The following MAK16 variants were observed in gnomAD, a reference collection of about 807,000 sequenced individuals.
The protein encoded by MAK16 is protein MAK16 homolog.
Under a neutral mutation model 49.9 loss-of-function variants are expected in MAK16, and 12 were observed. That is an observed-to-expected ratio of 0.24 (90% confidence interval 0.15 to 0.39). The LOEUF is 0.39. MAK16 is among the 10% of genes least tolerant of loss of function. The pLI is 1.00. For missense variants in MAK16, 292 were observed against 363.7 expected (o/e 0.80, Z 1.60); for synonymous variants, 115 against 126.4 (o/e 0.91, Z 0.60).
chr8:33,490,184 C>G, intron 5 of MAK16, 101 bp from the exon 6 acceptor site: 1 of 929,194 alleles, frequency 1.1e-6, no homozygotes. Context: ...CATGAGTAGA[C>G]TTCCATTTTA....
chr8:33,492,124 C>T (rs1808788137), intron 6 of MAK16, among the ~76,000 whole-genome samples: 1 of 151,832 alleles, frequency 6.6e-6, no homozygotes, highest in Admixed American at 6.6e-5. Context: ...ATTCTTGTGC[C>T]TCAGCCTCCC....
chr8:33,493,027 G>C (rs899763839), intron 6 of MAK16, among the ~76,000 whole-genome samples: 1 of 151,642 alleles, frequency 6.6e-6, no homozygotes, highest in Non-Finnish European at 1.5e-5. Flanking sequence ...TATTTTGATA[G>C]GGATAGCTTT....
At chr8:33,497,116 T>A in intron 8 of MAK16, 116 bp from the exon 9 acceptor site, 4 of 740,502 alleles carry the variant, frequency 5.4e-6, no homozygotes, top group Non-Finnish European at 8.8e-6. Context: ...AGAACTAAAT[T>A]TTCATTGCCT....
At chr8:33,491,069 C>T (rs1808769992) in intron 6 of MAK16, among the ~76,000 whole-genome samples, 1 of 152,192 alleles carries the variant, frequency 6.6e-6, no homozygotes, top group South Asian at 2.1e-4. Context: ...TTTCACTTAA[C>T]ATAATGACCT....
rs186979055 is a variant in MAK16 at position 33,492,982 on chromosome 8, A to G, written c.448-2560A>G. Among the ~76,000 whole-genome samples the G allele has an allele frequency of 2.2e-4, 32 of 145,758 alleles. No homozygotes were observed. In the Middle Eastern group the frequency reaches 0.014, roughly 66 times the overall value. On this transcript the variant is annotated intron_variant, in intron 6 of 9. Transcript: ENST00000360128. ...TATTTCTGTGAAGAATGTCATTGGT[A>G]TTTTTCTTTTTTTTATATTTATATT... is the stretch of plus-strand genomic sequence containing the variant.
chr8:33,495,616 G>A lies in MAK16; in HGVS notation c.522G>A (p.Thr174=). Residue 174 remains threonine, a splice_region_variant and synonymous_variant, in exon 7 of 10, where the codon ACG becomes ACA. Transcript: ENST00000360128. ...TACTGGAGAGACTGAAACAAGATAC[G>A]GTGAGAAAGCCATTAGCTTTGGGGT... ...KELLERLKQD[T]YGDIYNFPIH... The A allele has an allele frequency of 1.9e-6, 3 of 1,590,332 alleles. No homozygotes were observed. The highest frequency in any genetic ancestry group is 1.3e-5 in the African/African-American group (1 of 74,448).
intron 1 of MAK16, among the ~76,000 whole-genome samples, chr8:33,487,941 G>C (rs972392546): frequency 5.9e-5 from 9 of 151,464 alleles, no homozygotes; most frequent in African/African-American, 2.2e-4. Context: ...GTTTTGTTTT[G>C]TTTTGAGACG....
chr8:33,488,631 T>A lies in MAK16; in HGVS notation c.175+2T>A. On this transcript the variant is annotated splice_donor_variant, in intron 3 of 9. Transcript: ENST00000360128. LOFTEE classifies it high-confidence loss of function. ...ATGCCACTATTAAAGAAGAGAAAGG[T>A]AACTCCCCAGTTTTAACTTCTAGAA... 1 of 1,613,858 alleles carries A rather than the reference T, an allele frequency of 6.2e-7. No homozygotes were observed. Among genetic ancestry groups the A allele is most frequent in the Non-Finnish European group, 8.5e-7 (1 of 1,179,774 alleles).
chr8:33,499,459 C>G lies in MAK16; in HGVS notation c.*830C>G, dbSNP rs1019051041. 22 of 554,440 alleles carry G rather than the reference C, an allele frequency of 4.0e-5. No homozygotes were observed. The highest frequency in any genetic ancestry group is 3.8e-4 in the African/African-American group (20 of 52,522). 34.3% of individuals were successfully genotyped at this position (554,440 alleles called of 1,614,324 possible). A position where few individuals can be genotyped will look rare whatever the true frequency, so the allele number is the denominator to read the frequency against. ...TTATTATTTTTAAATTTATATAGCTCTCATGTATTGAAGGTGCTACTTTAA... is the reference window on the plus strand; with the variant it reads ...TTATTATTTTTAAATTTATATAGCTGTCATGTATTGAAGGTGCTACTTTAA... On this transcript the variant is annotated 3_prime_UTR_variant, in exon 10 of 10. Coordinates refer to ENST00000360128, the MANE Select transcript of MAK16 (RefSeq NM_032509.4).
chr8:33,498,917 A>G lies in MAK16; in HGVS notation c.*288A>G, dbSNP rs917916433. ...GAATCTGGGATGAGATGACGGATGT[A>G]AATATTTCTAAATTTTAAATGCTAC... On this transcript the variant is annotated 3_prime_UTR_variant, in exon 10 of 10. Transcript: ENST00000360128. The G allele has an allele frequency of 8.7e-6, 5 of 576,852 alleles. No individual in the cohort carries two copies. The African/African-American group carries it at 9.4e-5, about 11-fold the overall frequency. The allele number at this position is 576,852 out of a possible 1,614,324, so 35.7% of individuals were successfully genotyped here.
At chr8:33,495,207 T>G (rs1257104610) in intron 6 of MAK16, among the ~76,000 whole-genome samples, 1 of 152,202 alleles carries the variant, frequency 6.6e-6, no homozygotes, top group East Asian at 1.9e-4. Context: ...TTCTCAGCTT[T>G]TACAAAGTCT....
intron 8 of MAK16, 85 bp from the exon 9 acceptor site, chr8:33,497,147 C>A: frequency 1.0e-6 from 1 of 993,300 alleles, no homozygotes; most frequent in Non-Finnish European, 1.6e-6. Context: ...CTGTGGTTCT[C>A]ATTATGTTAT....
rs62510529 is a variant in MAK16, at chr8:33,499,457, C to T, written c.*828C>T. 3.0e-3 allele frequency: 1,661 copies of T among 562,908 alleles called. 3 individuals carry two copies. The highest frequency in any genetic ancestry group is 4.1e-3 in the Admixed American group (133 of 32,158). 34.9% of individuals were successfully genotyped at this position (562,908 alleles called of 1,614,324 possible). A position where few individuals can be genotyped will look rare whatever the true frequency, so the allele number is the denominator to read the frequency against. On this transcript the variant is annotated 3_prime_UTR_variant, in exon 10 of 10. Coordinates refer to ENST00000360128, the MANE Select transcript of MAK16 (RefSeq NM_032509.4). ...TTTTATTATTTTTAAATTTATATAGCTCTCATGTATTGAAGGTGCTACTTT... is the reference window on the plus strand; with the variant it reads ...TTTTATTATTTTTAAATTTATATAGTTCTCATGTATTGAAGGTGCTACTTT...
rs1181874288 is a variant in MAK16 at position 33,498,849 on chromosome 8, G to A, written c.*220G>A. 1.7e-6 allele frequency: 1 copy of A among 594,650 alleles called. No homozygotes were observed. Among genetic ancestry groups the A allele is most frequent in the African/African-American group, 1.9e-5 (1 of 53,772 alleles). 36.8% of individuals were successfully genotyped at this position (594,650 alleles called of 1,614,324 possible). Reference sequence around the variant, plus strand: ...AGAGTGTTTTTATAGCATATGTGTTGAAGTAACAGCTTGTGCCCGAGAAAC... The same window carrying A: ...AGAGTGTTTTTATAGCATATGTGTTAAAGTAACAGCTTGTGCCCGAGAAAC... On this transcript the variant is annotated 3_prime_UTR_variant, in exon 10 of 10. Transcript: ENST00000360128.
chr8:33,496,257 C>A (rs1052268476), intron 7 of MAK16, among the ~76,000 whole-genome samples: 7 of 152,070 alleles, frequency 4.6e-5, no homozygotes, highest in Non-Finnish European at 1.5e-5. Context: ...AGTTTTTATT[C>A]TCTTTTTAAA....
Position 33,497,297 on chromosome 8 carries a change from G to A in MAK16, c.705G>A (p.Glu235=). The A allele has an allele frequency of 6.3e-7, 1 of 1,596,408 alleles. No homozygotes were observed. The highest frequency in any genetic ancestry group is 8.6e-7 in the Non-Finnish European group (1 of 1,167,074). The part of the protein sequence containing the change: ...EVDESDISDF[E]DMDKLDASSD... ...ATGAGAGTGACATAAGTGATTTTGA[G>A]GTGAGCTTTATGGGTAAAAAGATTG... Residue 235 remains glutamate, a splice_region_variant and synonymous_variant, in exon 9 of 10, where the codon GAG becomes GAA. Coordinates refer to ENST00000360128, the MANE Select transcript of MAK16 (RefSeq NM_032509.4).
At chr8:33,488,957 G>A (rs1293887604) in intron 4 of MAK16, 31 bp from the exon 5 acceptor site, 5 of 1,613,762 alleles carry the variant, frequency 3.1e-6, no homozygotes, top group Admixed American at 1.7e-5. Context: ...ATTTACACTT[G>A]CCCTTCAAAC....
In MAK16 at chr8:33,489,439, C is replaced by T. The variant is rs1166124292; in HGVS notation, c.392+300C>T. ...GCCCAGGCTGGAATTTGCAGTGGCG[C>T]GACCTCAGCTCACTGCAACCTCCAT... On this transcript the variant is annotated intron_variant, in intron 5 of 9. Coordinates refer to ENST00000360128, the MANE Select transcript of MAK16 (RefSeq NM_032509.4). The surrounding 1 kb of genome is among the most constrained non-coding windows in gnomAD (Gnocchi z 4.2). The T allele has an allele frequency of 2.7e-5, 8 of 298,548 alleles. No homozygotes were observed. The highest frequency in any genetic ancestry group is 1.7e-4 in the East Asian group (2 of 11,472). The allele number at this position is 298,548 out of a possible 1,614,324, so 18.5% of individuals were successfully genotyped here. A position where few individuals can be genotyped will look rare whatever the true frequency, so the allele number is the denominator to read the frequency against.
Position 33,500,154 on chromosome 8 carries a change from G to T in MAK16, c.*1525G>T. On this transcript the variant is annotated 3_prime_UTR_variant, in exon 10 of 10. Coordinates refer to ENST00000360128, the MANE Select transcript of MAK16 (RefSeq NM_032509.4). ...ATGGTTCTGAATAGCTTTAAAAGAT[G>T]AATAAGAAAAAAGATCAAGCTCTTT... 1 of 670,552 alleles carries T rather than the reference G, an allele frequency of 1.5e-6. No homozygotes were observed. Among genetic ancestry groups the T allele is most frequent in the Non-Finnish European group, 2.5e-6 (1 of 403,936 alleles). The allele number at this position is 670,552 out of a possible 1,614,324, so 41.5% of individuals were successfully genotyped here. A position where few individuals can be genotyped will look rare whatever the true frequency, so the allele number is the denominator to read the frequency against.
Sources: gnomAD v4.1 joint callset for allele counts (sites outside exome capture counted in the v4.1 genomes callset) on GRCh38, gnomAD v4.1.1 for gene constraint, Gnocchi (gnomAD v3.1) non-coding constraint, MANE v1.5 for transcripts, NCBI Gene and HGNC (gene_info 2026-07-23, HGNC 2026-07-21) for gene names.